The following SLC25A15 variants were observed in gnomAD, a reference collection of about 807,000 sequenced individuals.
SLC25A15 encodes solute carrier family 25 member 15.
In SLC25A15, 24 loss-of-function variants were observed where a neutral mutation model predicts 32.3. That is an observed-to-expected ratio of 0.74 (90% CI 0.54 to 1.04). The LOEUF (loss-of-function observed/expected upper bound fraction) is 1.04. SLC25A15 is among the 50% of genes least tolerant of loss of function. The pLI is 0.00. For missense variants in SLC25A15, 317 were observed against 374.5 expected (o/e 0.85, Z 1.27); for synonymous variants, 132 against 142.1 (o/e 0.93, Z 0.51).
At chr13:40,796,311 A>G (rs1881669278) in intron 2 of SLC25A15, among the ~76,000 whole-genome samples, 1 of 152,198 alleles carries the variant, frequency 6.6e-6, no homozygotes, top group African/African-American at 2.4e-5. Context: ...CCTATCTGCA[A>G]TGGCTGTAAG....
rs1882441600 is a variant in SLC25A15, at chr13:40,811,345, TG to T, written c.*1681del. Among the ~76,000 whole-genome samples the T allele has an allele frequency of 6.6e-6, 1 of 151,902 alleles. No homozygotes were observed. The highest frequency in any genetic ancestry group is 1.5e-5 in the Non-Finnish European group (1 of 67,976). ...CTCTACTAAAAATACAAAAATTAGCTGGGCGTGGTGGCACGTGCCTGTAATC... is the reference window on the plus strand; with the variant it reads ...CTCTACTAAAAATACAAAAATTAGCTGGCGTGGTGGCACGTGCCTGTAATC... On this transcript the variant is annotated 3_prime_UTR_variant, in exon 7 of 7. Transcript: ENST00000338625.
At chr13:40,804,179 A>G (rs1003257752) in intron 3 of SLC25A15, among the ~76,000 whole-genome samples, 1 of 152,104 alleles carries the variant, frequency 6.6e-6, no homozygotes, top group African/African-American at 2.4e-5. Flanking sequence ...CTGTGTCCTC[A>G]TATGGCAGAG....
chr13:40,810,015 G>A lies in SLC25A15; in HGVS notation c.*348G>A. On this transcript the variant is annotated 3_prime_UTR_variant, in exon 7 of 7. Coordinates refer to ENST00000338625, the MANE Select transcript of SLC25A15 (RefSeq NM_014252.4). ...TGCAATTTGGACAGTTATGTGTTGA[G>A]GGAAATACAGTTTGGTACCTTGTTT... is the stretch of plus-strand genomic sequence containing the variant. 3.0e-6 allele frequency: 1 copy of A among 333,554 alleles called. No homozygotes were observed. Among genetic ancestry groups the A allele is most frequent in the Non-Finnish European group, 5.8e-6 (1 of 173,672 alleles). The allele number at this position is 333,554 out of a possible 1,614,324, so 20.7% of individuals were successfully genotyped here.
intron 2 of SLC25A15, among the ~76,000 whole-genome samples, chr13:40,795,565 G>A (rs1280642945): frequency 1.3e-5 from 2 of 152,108 alleles, no homozygotes; most frequent in Non-Finnish European, 2.9e-5. Flanking sequence ...CTGTGCTGGC[G>A]ACACAGGGAC....
chr13:40,803,215 G>A (rs1042840771), intron 3 of SLC25A15, among the ~76,000 whole-genome samples: 15 of 140,452 alleles, frequency 1.1e-4, no homozygotes, highest in African/African-American at 1.5e-4. Flanking sequence ...ACTTTTCCCC[G>A]TATTCGTTTT....
At chr13:40,800,971 G>A (rs1881861511) in intron 3 of SLC25A15, among the ~76,000 whole-genome samples, 2 of 152,080 alleles carry the variant, frequency 1.3e-5, no homozygotes, top group Non-Finnish European at 2.9e-5. Flanking sequence ...AGTGGCTCAC[G>A]CCTGTAGTCC....
chr13:40,801,214 C>T (rs541657672), intron 3 of SLC25A15, among the ~76,000 whole-genome samples: 6 of 144,820 alleles, frequency 4.1e-5, no homozygotes, highest in Non-Finnish European at 6.0e-5. Context: ...GGCAACAGAG[C>T]GAGACTGTGT....
intron 1 of SLC25A15, 96 bp from the exon 2 acceptor site, chr13:40,793,062 T>C: frequency 1.4e-6 from 1 of 716,784 alleles, no homozygotes; most frequent in Non-Finnish European, 2.5e-6. Context: ...CCCCAGGTCA[T>C]GGCTCCCAGA....
chr13:40,809,883 C>T lies in SLC25A15; in HGVS notation c.*216C>T, dbSNP rs866674413. 9 of 558,066 alleles carry T rather than the reference C, an allele frequency of 1.6e-5. No individual in the cohort carries two copies. The highest frequency in any genetic ancestry group is 9.5e-5 in the African/African-American group (5 of 52,768). 34.6% of individuals were successfully genotyped at this position (558,066 alleles called of 1,614,324 possible). On this transcript the variant is annotated 3_prime_UTR_variant, in exon 7 of 7. Transcript: ENST00000338625. ...AATTGTACTGAAATAGAAAAGTGAC[C>T]GCTCTTGCTCTTGGTAAAATATAGA...
rs745632043 is a variant in SLC25A15 at position 40,811,092 on chromosome 13, A to G, written c.*1425A>G. On this transcript the variant is annotated 3_prime_UTR_variant, in exon 7 of 7. Coordinates refer to ENST00000338625, the MANE Select transcript of SLC25A15 (RefSeq NM_014252.4). ...GACCCATCCTGAAGCCTGTCTTGCC[A>G]TGCTTTTACAGTGTTGGAGGCTTCT... is the stretch of plus-strand genomic sequence containing the variant. Among the ~76,000 whole-genome samples the G allele has an allele frequency of 3.3e-5, 5 of 152,238 alleles. No homozygotes were observed. The highest frequency in any genetic ancestry group is 5.9e-5 in the Non-Finnish European group (4 of 68,048).
rs184285145 is a variant in SLC25A15, at chr13:40,795,365, A to G, written c.55+2084A>G. On this transcript the variant is annotated intron_variant, in intron 2 of 6. Coordinates refer to ENST00000338625, the MANE Select transcript of SLC25A15 (RefSeq NM_014252.4). The stretch of plus-strand genomic sequence containing the variant: ...AGAATTTAAAAGTTTACCTTTTCCT[A>G]TTTATGTGCATACAGGTATTTGGGT... Among the ~76,000 whole-genome samples, 309 of 152,334 alleles carry G rather than the reference A, an allele frequency of 2.0e-3. 1 individual carries two copies. Among genetic ancestry groups the G allele is most frequent in the African/African-American group, 7.1e-3 (294 of 41,578 alleles).
At chr13:40,809,290 T>C (rs1882342842) in intron 6 of SLC25A15, among the ~76,000 whole-genome samples, 1 of 152,238 alleles carries the variant, frequency 6.6e-6, no homozygotes, top group Non-Finnish European at 1.5e-5. Flanking sequence ...CCCATCCATA[T>C]ACTAAGAGTT....
Position 40,793,147 on chromosome 13 carries a change from C to A in SLC25A15, c.-69-11C>A. ...GACTTGGACTAATGGTGAACTCTTG[C>A]CTCCCCCCAGGGATATGTGGTGCCT... On this transcript the variant is annotated splice_polypyrimidine_tract_variant and intron_variant, in intron 1 of 6. Coordinates refer to ENST00000338625, the MANE Select transcript of SLC25A15 (RefSeq NM_014252.4). The A allele has an allele frequency of 2.1e-6, 3 of 1,436,284 alleles. No individual in the cohort carries two copies. Among genetic ancestry groups the A allele is most frequent in the Non-Finnish European group, 2.9e-6 (3 of 1,022,298 alleles). The allele number at this position is 1,436,284 out of a possible 1,614,324, so 89.0% of individuals were successfully genotyped here. A position where few individuals can be genotyped will look rare whatever the true frequency, so the allele number is the denominator to read the frequency against.
chr13:40,807,388 G>A lies in SLC25A15; in HGVS notation c.547G>A (p.Gly183Ser). ...AAGCACTTTACTTCGAGAAGTACCA[G>A]GCTATTTCTTCTTCTTCGGTGGCTA... ...LSSTLLREVPGYFFFFGGYEL... is the reference protein window; with the variant it reads ...LSSTLLREVPSYFFFFGGYEL... Residue 183 changes from glycine (G) to serine (S), a missense_variant, in exon 5 of 7, where the codon GGC (glycine) becomes AGC (serine). Gly to Ser is a moderately conservative substitution (Grantham distance 56, BLOSUM62 0). Coordinates refer to ENST00000338625, the MANE Select transcript of SLC25A15 (RefSeq NM_014252.4). 6.2e-7 allele frequency: 1 copy of A among 1,614,126 alleles called. No homozygotes were observed.
rs550247099 is a variant in SLC25A15, at chr13:40,809,880, G to T, written c.*213G>T. The T allele has an allele frequency of 1.8e-6, 1 of 567,514 alleles. No homozygotes were observed. The highest frequency in any genetic ancestry group is 2.0e-5 in the South Asian group (1 of 50,300). The allele number at this position is 567,514 out of a possible 1,614,324, so 35.2% of individuals were successfully genotyped here. A position where few individuals can be genotyped will look rare whatever the true frequency, so the allele number is the denominator to read the frequency against. ...CATAATTGTACTGAAATAGAAAAGT[G>T]ACCGCTCTTGCTCTTGGTAAAATAT... is the stretch of plus-strand genomic sequence containing the variant. On this transcript the variant is annotated 3_prime_UTR_variant, in exon 7 of 7. Transcript: ENST00000338625.
intron 3 of SLC25A15, among the ~76,000 whole-genome samples, chr13:40,800,991 G>A (rs1187295136): frequency 1.3e-5 from 2 of 152,196 alleles, no homozygotes; most frequent in African/African-American, 4.8e-5. Context: ...CCAGCACTTT[G>A]AGAGGCTGAG....
intron 3 of SLC25A15, among the ~76,000 whole-genome samples, chr13:40,800,635 A>G (rs538547002): frequency 8.5e-5 from 13 of 152,200 alleles, no homozygotes; most frequent in Non-Finnish European, 1.8e-4. Context: ...TAGCCCCTCC[A>G]GCCACAGGAT....
At chr13:40,798,535 CAA>C (rs1814007945) in intron 2 of SLC25A15, 1 of 153,528 alleles carries the variant, frequency 6.5e-6, no homozygotes, top group East Asian at 1.9e-4. Context: ...GGGCATTAGG[CAA>C]AGTGAGCGAT....
At chr13:40,804,056 C>G (rs1882027608) in intron 3 of SLC25A15, among the ~76,000 whole-genome samples, 1 of 152,082 alleles carries the variant, frequency 6.6e-6, no homozygotes, top group Non-Finnish European at 1.5e-5. Context: ...GATTGAGTGG[C>G]TTAAACAAAC....
Sources: allele counts gnomAD v4.1 joint callset (sites outside exome capture counted in the v4.1 genomes callset), GRCh38; gene constraint gnomAD v4.1.1; transcripts MANE v1.5; gene names NCBI Gene and HGNC (gene_info 2026-07-23, HGNC 2026-07-21).